ZNF516: variants seen among roughly 807,000 people sequenced by gnomAD.
ZNF516 encodes the protein zinc finger protein 516.
Under a neutral mutation model 79.7 loss-of-function variants are expected in ZNF516, and 19 were observed. The observed-to-expected ratio is 0.24, with a 90% CI of 0.17 to 0.35. The LOEUF is 0.35. Among genes scored for constraint, ZNF516 ranks in the 10% least tolerant of loss-of-function variants. ZNF516 has a pLI of 1.00. For missense variants in ZNF516, 1,678 were observed against 1,679.5 expected (o/e 1.00, Z 0.02); for synonymous variants, 877 against 739.5 (o/e 1.19, Z -3.02).
At chr18:76,496,319 C>G (rs1915482969), upstream of ZNF516, 3 of 1,289,638 alleles carry the variant, frequency 2.3e-6, no homozygotes, top group South Asian at 1.2e-5. Context: ...GTGATAACTC[C>G]GCAGTGGAGG....
At chr18:76,480,497 A>G (rs1914451602) in intron 1 of ZNF516, among the ~76,000 whole-genome samples, 1 of 68,530 alleles carries the variant, frequency 1.5e-5, no homozygotes, top group Non-Finnish European at 2.6e-5. Context: ...ATACACATAC[A>G]CACACACACA....
intron 1 of ZNF516, among the ~76,000 whole-genome samples, chr18:76,469,255 T>C (rs1913681846): frequency 6.6e-6 from 1 of 152,148 alleles, no homozygotes; most frequent in Non-Finnish European, 1.5e-5. Context: ...CAGTCCAAAA[T>C]TACACCCCAA....
intron 3 of ZNF516, among the ~76,000 whole-genome samples, chr18:76,410,724 G>T (rs2145298357): frequency 6.6e-6 from 1 of 152,316 alleles, no homozygotes; most frequent in East Asian, 1.9e-4. Flanking sequence ...TTGAGAGTCG[G>T]CTGGAGGAGA....
chr18:76,367,801 G>A (rs79333508), intron 6 of ZNF516, among the ~76,000 whole-genome samples: 2 of 152,258 alleles, frequency 1.3e-5, no homozygotes, highest in South Asian at 4.1e-4. Context: ...GCACGCAGTG[G>A]GTGGTCAATA....
chr18:76,401,609 G>C (rs892345174), intron 3 of ZNF516, among the ~76,000 whole-genome samples: 1 of 152,054 alleles, frequency 6.6e-6, no homozygotes, highest in African/African-American at 2.4e-5. Flanking sequence ...GGCAGAGCCC[G>C]CATGGGCCCC....
chr18:76,446,809 C>T (rs1272299642), intron 2 of ZNF516, among the ~76,000 whole-genome samples: 2 of 152,164 alleles, frequency 1.3e-5, no homozygotes, highest in Non-Finnish European at 2.9e-5. Context: ...AAAAATAAGA[C>T]CTGCTGTAAA....
intron 1 of ZNF516, among the ~76,000 whole-genome samples, chr18:76,481,201 G>A (rs1914504360): frequency 6.6e-6 from 1 of 152,212 alleles, no homozygotes; most frequent in Non-Finnish European, 1.5e-5. Flanking sequence ...GGCTACAGCT[G>A]ACCCAGAAAT....
intron 6 of ZNF516, among the ~76,000 whole-genome samples, chr18:76,366,216 T>C (rs2074609434): frequency 6.6e-6 from 1 of 152,236 alleles, no homozygotes; most frequent in South Asian, 2.1e-4. Flanking sequence ...TTTCAGCAGA[T>C]TTACCTGGCC....
intron 1 of ZNF516, among the ~76,000 whole-genome samples, chr18:76,480,039 G>A (rs1187638295): frequency 2.0e-5 from 3 of 151,908 alleles, no homozygotes; most frequent in Non-Finnish European, 4.4e-5. Context: ...GGCACCAGGC[G>A]GCGGTTTGTG....
intron 2 of ZNF516, among the ~76,000 whole-genome samples, chr18:76,455,667 GAA>G (rs1188039690): frequency 6.6e-5 from 10 of 152,200 alleles, no homozygotes; most frequent in African/African-American, 2.4e-4. Context: ...ACAAACCACA[GAA>G]ACAAGTACCT....
At chr18:76,395,194 G>A (rs1599176271) in intron 3 of ZNF516, among the ~76,000 whole-genome samples, 1 of 152,192 alleles carries the variant, frequency 6.6e-6, no homozygotes, top group East Asian at 1.9e-4. Flanking sequence ...ACCCAGCAGA[G>A]TGGGTTTCCC....
chr18:76,441,204 T>C, intron 3 of ZNF516, 41 bp downstream of exon 3: 1 of 1,581,072 alleles, frequency 6.3e-7, no homozygotes, highest in Non-Finnish European at 8.6e-7. Flanking sequence ...CCCCTGAGCC[T>C]GGGATCCCAG....
intron 3 of ZNF516, among the ~76,000 whole-genome samples, chr18:76,426,762 G>A (rs1385925178): frequency 1.3e-5 from 2 of 152,210 alleles, no homozygotes; most frequent in African/African-American, 4.8e-5. Context: ...TAGTTCACTG[G>A]AAGGAGTGGA....
intron 1 of ZNF516, among the ~76,000 whole-genome samples, chr18:76,484,968 G>T (rs80144120): frequency 2.6e-5 from 4 of 152,156 alleles, no homozygotes; most frequent in African/African-American, 4.8e-5. Context: ...ACCACTAATC[G>T]CATGACTCTA....
chr18:76,436,370 C>T (rs1311600518), intron 3 of ZNF516, among the ~76,000 whole-genome samples: 1 of 152,170 alleles, frequency 6.6e-6, no homozygotes, highest in Non-Finnish European at 1.5e-5. Flanking sequence ...GATGAACGCA[C>T]TTCACTCGTT....
At chr18:76,471,115 G>A (rs150255264) in intron 1 of ZNF516, among the ~76,000 whole-genome samples, 1 of 151,816 alleles carries the variant, frequency 6.6e-6, no homozygotes, top group African/African-American at 2.4e-5. Context: ...CCAATCTGTT[G>A]GGCAGAAGAA....
chr18:76,489,706 A>G (rs1188863975), intron 1 of ZNF516, among the ~76,000 whole-genome samples: 1 of 152,144 alleles, frequency 6.6e-6, no homozygotes, highest in Non-Finnish European at 1.5e-5. Flanking sequence ...AACATTGGTG[A>G]GGTAAACTAT....
At chr18:76,395,685 G>T (rs1369038686) in intron 3 of ZNF516, among the ~76,000 whole-genome samples, 1 of 151,874 alleles carries the variant, frequency 6.6e-6, no homozygotes, top group East Asian at 1.9e-4. Context: ...CGGACAGGCT[G>T]GAGGCCACGC....
intron 6 of ZNF516, among the ~76,000 whole-genome samples, chr18:76,362,853 A>G (rs530435265): frequency 2.2e-4 from 33 of 152,352 alleles, no homozygotes; most frequent in Admixed American, 2.2e-3. Flanking sequence ...TTCACATGTA[A>G]GAATGGCAGA....
Sources: gnomAD v4.1 joint callset for allele counts (sites outside exome capture counted in the v4.1 genomes callset) on GRCh38, gnomAD v4.1.1 for gene constraint, MANE v1.5 for transcripts, NCBI Gene and HGNC (gene_info 2026-07-23, HGNC 2026-07-21) for gene names.